The following KIAA1958 variants were observed in gnomAD, a reference collection of about 807,000 sequenced individuals.
The protein encoded by KIAA1958 is uncharacterized protein KIAA1958.
In KIAA1958, 14 loss-of-function variants were observed where a neutral mutation model predicts 47.2. The observed-to-expected ratio is 0.30, with a 90% CI of 0.20 to 0.46. KIAA1958 has a LOEUF of 0.46. KIAA1958 is among the 20% of genes least tolerant of loss of function. The probability of loss-of-function intolerance (pLI) is 1.00; values close to 1 mark genes in which losing one functional copy is unlikely to be tolerated. For synonymous variants in KIAA1958, 354 were observed against 353.3 expected (o/e 1.00, Z -0.02); for missense variants, 803 against 909.2 (o/e 0.88, Z 1.50).
At chr9:112,488,753 CAG>C (rs1321193885) in intron 1 of KIAA1958, among the ~76,000 whole-genome samples, 3 of 152,110 alleles carry the variant, frequency 2.0e-5, no homozygotes, top group African/African-American at 4.8e-5. Flanking sequence ...AATTAGTAAA[CAG>C]TGTACAATTT....
At chr9:112,636,500 T>G (rs1836806695) in intron 2 of KIAA1958, among the ~76,000 whole-genome samples, 1 of 152,154 alleles carries the variant, frequency 6.6e-6, no homozygotes, top group Non-Finnish European at 1.5e-5. Context: ...AATCATAGAT[T>G]TGCCTATTTC....
At chr9:112,597,017 C>G (rs906622678) in intron 2 of KIAA1958, among the ~76,000 whole-genome samples, 13 of 13,150 alleles carry the variant, frequency 9.9e-4, no homozygotes, top group Non-Finnish European at 1.6e-3. Context: ...AGTATTTCAT[C>G]TCTTAAAATT....
chr9:112,657,480 ATG>A (rs1564204061), intron 3 of KIAA1958, among the ~76,000 whole-genome samples: 1 of 152,180 alleles, frequency 6.6e-6, no homozygotes, highest in Admixed American at 6.5e-5. Context: ...TTTTCTAACA[ATG>A]TCATTCAAAA....
intron 1 of KIAA1958, among the ~76,000 whole-genome samples, chr9:112,536,686 G>A (rs1169605021): frequency 6.6e-6 from 1 of 152,164 alleles, no homozygotes; most frequent in Non-Finnish European, 1.5e-5. Context: ...GGGAGGCTGA[G>A]GTGAGGATTG....
intron 1 of KIAA1958, among the ~76,000 whole-genome samples, chr9:112,527,967 G>A (rs909896292): frequency 2.0e-5 from 3 of 150,738 alleles, no homozygotes; most frequent in African/African-American, 7.3e-5. Flanking sequence ...AAGAAAATGA[G>A]TTAAAAGGCC....
chr9:112,634,152 G>A (rs140250421), intron 2 of KIAA1958, among the ~76,000 whole-genome samples: 34 of 152,168 alleles, frequency 2.2e-4, no homozygotes, highest in South Asian at 4.1e-4. Flanking sequence ...TGCAAATTTC[G>A]TTTTCCATTT....
chr9:112,629,600 C>A (rs1836675188), intron 2 of KIAA1958, among the ~76,000 whole-genome samples: 3 of 152,162 alleles, frequency 2.0e-5, no homozygotes, highest in Admixed American at 2.0e-4. Flanking sequence ...TTGCTGCTCA[C>A]TGATTTTTTA....
At chr9:112,509,084 AT>A (rs1834280322) in intron 1 of KIAA1958, among the ~76,000 whole-genome samples, 1 of 124,616 alleles carries the variant, frequency 8.0e-6, no homozygotes, top group Non-Finnish European at 2.0e-5. Context: ...GATACATTTA[AT>A]GTTTTTTTTT....
At chr9:112,492,958 C>T (rs1158213842) in intron 1 of KIAA1958, among the ~76,000 whole-genome samples, 1 of 128,456 alleles carries the variant, frequency 7.8e-6, no homozygotes, top group African/African-American at 3.0e-5. Flanking sequence ...GCCTGTGTGT[C>T]CCAGATTGGT....
chr9:112,625,555 A>G (rs1836595922), intron 2 of KIAA1958, among the ~76,000 whole-genome samples: 1 of 152,174 alleles, frequency 6.6e-6, no homozygotes. Context: ...GTCAGGGTTA[A>G]AGCCGGGACT....
intron 1 of KIAA1958, among the ~76,000 whole-genome samples, chr9:112,542,514 G>T (rs947125835): frequency 6.6e-6 from 1 of 152,012 alleles, no homozygotes; most frequent in Non-Finnish European, 1.5e-5. Context: ...ACAACTCTTT[G>T]CATTTTACAA....
intron 2 of KIAA1958, among the ~76,000 whole-genome samples, chr9:112,604,169 C>T (rs1180117375): frequency 1.3e-5 from 2 of 152,146 alleles, no homozygotes; most frequent in Non-Finnish European, 2.9e-5. Context: ...TAAGATACTG[C>T]ACTAATTATG....
intron 2 of KIAA1958, among the ~76,000 whole-genome samples, chr9:112,587,008 G>A (rs1835837990): frequency 6.6e-6 from 1 of 152,046 alleles, no homozygotes; most frequent in Admixed American, 6.6e-5. Flanking sequence ...GACCATCTTG[G>A]GTCTCAGCAG....
At chr9:112,552,685 T>C (rs1227203309) in intron 1 of KIAA1958, among the ~76,000 whole-genome samples, 1 of 152,230 alleles carries the variant, frequency 6.6e-6, no homozygotes, top group African/African-American at 2.4e-5. Flanking sequence ...ACGCTCCTCT[T>C]TCCCTCTCCA....
Position 112,618,138 on chromosome 9 carries a change from G to A in KIAA1958, c.1172-27512G>A. 3.2e-6 allele frequency: 5 copies of A among 1,550,518 alleles called. No homozygotes were observed. The highest frequency in any genetic ancestry group is 1.2e-5 in the South Asian group (1 of 84,062). On this transcript the variant is annotated intron_variant, in intron 2 of 3. Coordinates refer to ENST00000337530, the MANE Select transcript of KIAA1958 (RefSeq NM_133465.4). This position sits in a 1 kb window ranked among gnomAD's most constrained non-coding sequence, Gnocchi z 7.1. ...CTCGAAAGGTACCTGAAAGAACACAGGTATGGCTATAGCATCACCAGGGAT... is the reference window on the plus strand; with the variant it reads ...CTCGAAAGGTACCTGAAAGAACACAAGTATGGCTATAGCATCACCAGGGAT...
chr9:112,588,625 T>TTGTG lies in KIAA1958; in HGVS notation c.1171+13384_1171+13387dup, dbSNP rs1408282058. On this transcript the variant is annotated intron_variant, in intron 2 of 3. Transcript: ENST00000337530. ...TGAAATATATTTTTGTTTTGTTACT[T>TTGTG]TGTGTGTGTGTGTTTTCCTAAAGCT... Among the ~76,000 whole-genome samples, 2 of 152,198 alleles carry TTGTG rather than the reference T, an allele frequency of 1.3e-5. 1 individual carries two copies. Among genetic ancestry groups the TTGTG allele is most frequent in the South Asian group, 4.2e-4 (2 of 4,812 alleles).
At chr9:112,536,249 C>A (rs1238452505) in intron 1 of KIAA1958, among the ~76,000 whole-genome samples, 1 of 152,084 alleles carries the variant, frequency 6.6e-6, no homozygotes, top group African/African-American at 2.4e-5. Flanking sequence ...TTTTTAGAAA[C>A]AGTACAAGAC....
intron 2 of KIAA1958, among the ~76,000 whole-genome samples, chr9:112,612,043 A>G (rs1836336368): frequency 2.6e-5 from 1 of 38,136 alleles, no homozygotes; most frequent in Non-Finnish European, 5.3e-5. Flanking sequence ...GGTTAAATAT[A>G]TATTAAAAAA....
chr9:112,641,119 G>C (rs776183428), intron 2 of KIAA1958, among the ~76,000 whole-genome samples: 2 of 151,864 alleles, frequency 1.3e-5, no homozygotes, highest in African/African-American at 2.4e-5. Context: ...CTTATACCCT[G>C]TATCTTCCCC....
Sources: allele counts gnomAD v4.1 joint callset (sites outside exome capture counted in the v4.1 genomes callset), GRCh38; gene constraint gnomAD v4.1.1; non-coding constraint Gnocchi (gnomAD v3.1); transcripts MANE v1.5; gene names NCBI Gene and HGNC (gene_info 2026-07-23, HGNC 2026-07-21).